The following ATP6V0A4 variants were observed in gnomAD, a reference collection of about 807,000 sequenced individuals.
ATP6V0A4 encodes V-type proton ATPase 116 kDa subunit a 4.
In ATP6V0A4, 86 loss-of-function variants were observed where a neutral mutation model predicts 107.3. The ratio of observed to expected loss-of-function variants is 0.80; its 90% CI spans 0.67 to 0.96. ATP6V0A4 has a LOEUF of 0.96. Ranked by LOEUF, ATP6V0A4 falls within the 40% of genes least tolerant of loss-of-function variation. The pLI, the probability that ATP6V0A4 is intolerant of heterozygous loss-of-function variation, is 0.00. For synonymous variants in ATP6V0A4, 353 were observed against 381.4 expected (o/e 0.93, Z 0.87); for missense variants, 908 against 1,045.6 (o/e 0.87, Z 1.81).
chr7:138,775,257 C>T lies in ATP6V0A4; in HGVS notation c.-17-3993G>A, dbSNP rs751091733. Among the ~76,000 whole-genome samples the T allele has an allele frequency of 1.7e-4, 26 of 151,992 alleles. 1 individual carries two copies. The highest frequency in any genetic ancestry group is 3.7e-4 in the Non-Finnish European group (25 of 68,000). On this transcript the variant is annotated intron_variant, in intron 2 of 21. Coordinates refer to ENST00000310018, the MANE Select transcript of ATP6V0A4 (RefSeq NM_020632.3). ...TTCATGAATGTTCTATCATCCACAC[C>T]CCACCCACTTCCCCTCCCCACCTCT...
At chr7:138,761,250 T>A (rs1257305221) in intron 7 of ATP6V0A4, among the ~76,000 whole-genome samples, 1 of 152,102 alleles carries the variant, frequency 6.6e-6, no homozygotes, top group Non-Finnish European at 1.5e-5. Flanking sequence ...GAAGATCACT[T>A]GAGCCTGAGA....
intron 18 of ATP6V0A4, among the ~76,000 whole-genome samples, chr7:138,726,271 G>T (rs555135501): frequency 6.6e-6 from 1 of 152,260 alleles, no homozygotes; most frequent in Non-Finnish European, 1.5e-5. Context: ...TTACAGGCGT[G>T]AGCCACCGTG....
Position 138,798,045 on chromosome 7 carries a change from A to G in ATP6V0A4, c.-132T>C, listed in dbSNP as rs1387020525. ...GGGAGTCGACTCACCTGCAGCAGGC[A>G]CTCGGCACAACTCCGCAGGACCGGC... On this transcript the variant is annotated 5_prime_UTR_variant, in exon 1 of 22. Coordinates refer to ENST00000310018, the MANE Select transcript of ATP6V0A4 (RefSeq NM_020632.3). The G allele has an allele frequency of 1.3e-6, 2 of 1,557,258 alleles. No individual in the cohort carries two copies. The highest frequency in any genetic ancestry group is 2.7e-5 in the African/African-American group (2 of 73,258).
At chr7:138,716,002 G>A (rs1804015986) in intron 19 of ATP6V0A4, 121 bp from the exon 20 acceptor site, 1 of 1,370,770 alleles carries the variant, frequency 7.3e-7, no homozygotes, top group African/African-American at 1.4e-5. Context: ...GTCTAACTAG[G>A]GGAAAAGAAA....
chr7:138,745,371 C>T lies in ATP6V0A4; in HGVS notation c.1321-91G>A, dbSNP rs547586596. The T allele has an allele frequency of 5.3e-4, 837 of 1,583,954 alleles. 13 individuals are homozygous for T. The South Asian group carries it at 8.6e-3, about 16-fold the overall frequency. Reference sequence around the variant, plus strand: ...TTCTACAGGATATCTCCAGCATCACCGGTGCAGGCACCCTTGGGGGAGCCA... The same window carrying T: ...TTCTACAGGATATCTCCAGCATCACTGGTGCAGGCACCCTTGGGGGAGCCA... On this transcript the variant is annotated intron_variant, in intron 13 of 21. Transcript: ENST00000310018.
chr7:138,772,662 G>A (rs768573764), intron 2 of ATP6V0A4, among the ~76,000 whole-genome samples: 7 of 152,212 alleles, frequency 4.6e-5, no homozygotes, highest in Non-Finnish European at 1.0e-4. Flanking sequence ...AAGTTTAACT[G>A]TGAAACTGGG....
intron 8 of ATP6V0A4, among the ~76,000 whole-genome samples, chr7:138,759,050 CTATTTTTTTTT>C (rs1806654504): frequency 1.1e-5 from 1 of 91,926 alleles, no homozygotes; most frequent in African/African-American, 3.9e-5. Context: ...CATGCCCAGC[CTATTTTTTTTT>C]TTTTTTTTTT....
chr7:138,716,933 A>G (rs1478408385), intron 19 of ATP6V0A4, among the ~76,000 whole-genome samples: 1 of 152,130 alleles, frequency 6.6e-6, no homozygotes, highest in East Asian at 1.9e-4. Context: ...GAATATGTAG[A>G]AGGGTTCCCA....
chr7:138,780,895 A>G (rs921091942), intron 2 of ATP6V0A4, among the ~76,000 whole-genome samples: 1 of 152,076 alleles, frequency 6.6e-6, no homozygotes, highest in Admixed American at 6.6e-5. Context: ...AAAGAGCCAG[A>G]CTTTGCCTCA....
intron 15 of ATP6V0A4, among the ~76,000 whole-genome samples, chr7:138,735,243 A>G (rs1281469471): frequency 3.3e-5 from 5 of 152,068 alleles, no homozygotes; most frequent in African/African-American, 1.2e-4. Flanking sequence ...CGGCAGCCCC[A>G]TGGTCTCCAC....
chr7:138,774,919 C>G (rs1807589279), intron 2 of ATP6V0A4, among the ~76,000 whole-genome samples: 1 of 152,022 alleles, frequency 6.6e-6, no homozygotes, highest in East Asian at 1.9e-4. Context: ...GATATGTGCC[C>G]TTTTCCTTTG....
chr7:138,794,434 T>C (rs757574731), intron 1 of ATP6V0A4, among the ~76,000 whole-genome samples: 1 of 152,226 alleles, frequency 6.6e-6, no homozygotes, highest in African/African-American at 2.4e-5. Flanking sequence ...GGCCACAGAC[T>C]GCAGGTTTTC....
In ATP6V0A4 at chr7:138,775,436, T is replaced by G. The variant is rs189214578; in HGVS notation, c.-17-4172A>C. Among the ~76,000 whole-genome samples, 566 of 152,236 alleles carry G rather than the reference T, an allele frequency of 3.7e-3. 6 individuals carry two copies. The highest frequency in any genetic ancestry group is 0.013 in the African/African-American group (553 of 41,530). On this transcript the variant is annotated intron_variant, in intron 2 of 21. Coordinates refer to ENST00000310018, the MANE Select transcript of ATP6V0A4 (RefSeq NM_020632.3). ...TCCTAAAATTCAATAATTCTTAAAT[T>G]TGCCTTAATTCTAGGATTCAAGTTT...
Position 138,706,629 on chromosome 7 carries a change from C to T in ATP6V0A4, c.2518G>A (p.Glu840Lys). 6.2e-7 allele frequency: 1 copy of T among 1,613,944 alleles called. No individual in the cohort carries two copies. Among genetic ancestry groups the T allele is most frequent in the Non-Finnish European group, 8.5e-7 (1 of 1,179,942 alleles). The change falls in exon 22 of 22, where the codon GAG (glutamate) becomes AAG (lysine). Residue 840 changes from glutamate (E) to lysine (K), a missense_variant. Physicochemically the swap from Glu to Lys is moderately conservative, Grantham distance 56 (BLOSUM62 1). Coordinates refer to ENST00000310018, the MANE Select transcript of ATP6V0A4 (RefSeq NM_020632.3). ...FKHILDGTAEE is the reference protein window; with the variant it reads ...FKHILDGTAEK ...TGGGAGGTGCAGCCCTCAGCCTACT[C>T]CTCGGCTGTGCCATCCAGGATGTGT...
chr7:138,772,089 T>C (rs751370616), intron 2 of ATP6V0A4, among the ~76,000 whole-genome samples: 1 of 152,238 alleles, frequency 6.6e-6, no homozygotes, highest in Non-Finnish European at 1.5e-5. Flanking sequence ...AAAATAGTTT[T>C]TGTCATCAGA....
intron 18 of ATP6V0A4, 21 bp downstream of exon 18, chr7:138,728,740 A>G (rs1804838747): frequency 1.2e-6 from 2 of 1,614,014 alleles, no homozygotes; most frequent in Non-Finnish European, 1.7e-6. Flanking sequence ...AGTAGGGTGA[A>G]CTGAAACAAA....
intron 13 of ATP6V0A4, among the ~76,000 whole-genome samples, chr7:138,745,854 G>T (rs1228834315): frequency 2.1e-5 from 3 of 142,502 alleles, no homozygotes; most frequent in Non-Finnish European, 4.5e-5. Flanking sequence ...TGAGGCAGGA[G>T]AATCACTTGA....
rs1806179843 is a variant in ATP6V0A4 at position 138,750,713 on chromosome 7, G to A, written c.1030-1396C>T. On this transcript the variant is annotated intron_variant, in intron 11 of 21. Transcript: ENST00000310018. The stretch of plus-strand genomic sequence containing the variant: ...CCCGGCCAGCCTCCCAGCGCTCTGC[G>A]CATGCATCACTTCCTCCAGGACGCA... Among the ~76,000 whole-genome samples, 13 of 152,158 alleles carry A rather than the reference G, an allele frequency of 8.5e-5. 1 individual carries two copies. The highest frequency in any genetic ancestry group is 8.5e-4 in the Admixed American group (13 of 15,270).
At chr7:138,783,682 T>C (rs1167235840) in intron 2 of ATP6V0A4, among the ~76,000 whole-genome samples, 3 of 152,112 alleles carry the variant, frequency 2.0e-5, no homozygotes, top group South Asian at 2.1e-4. Flanking sequence ...GCCATGATTG[T>C]ACCACTGCAC....
Sources: allele counts gnomAD v4.1 joint callset (sites outside exome capture counted in the v4.1 genomes callset), GRCh38; gene constraint gnomAD v4.1.1; transcripts MANE v1.5; gene names NCBI Gene and HGNC (gene_info 2026-07-23, HGNC 2026-07-21).